DNALI1: variants seen among roughly 807,000 people sequenced by gnomAD.
DNALI1 encodes the protein dynein axonemal light intermediate chain 1, also known as axonemal dynein light intermediate polypeptide 1.
Under a neutral mutation model 33.9 loss-of-function variants are expected in DNALI1, and 31 were observed. The observed-to-expected ratio is 0.91, with a 90% CI of 0.69 to 1.23. The LOEUF is 1.23. Among genes scored for constraint, DNALI1 ranks in the 50% most tolerant of loss-of-function variants. The pLI is 0.00. For missense variants in DNALI1, 305 were observed against 323.8 expected (o/e 0.94, Z 0.44); for synonymous variants, 117 against 129.2 (o/e 0.91, Z 0.64).
In DNALI1 at chr1:37,561,241, AGT is replaced by A; in HGVS notation, c.398-315_398-314del. ...AGTCAGGTTTTTTCGAGTAGTAACC[AGT>A]TTTTACCTAAGGCAGGAAGGGAGGG... is the stretch of plus-strand genomic sequence containing the variant. On this transcript the variant is annotated intron_variant, in intron 3 of 5. Coordinates refer to ENST00000652629, the MANE Select transcript of DNALI1 (RefSeq NM_003462.5). The surrounding 1 kb of genome is among the most constrained non-coding windows in gnomAD (Gnocchi z 4.6). The A allele has an allele frequency of 3.4e-6, 1 of 294,190 alleles. No homozygotes were observed. Among genetic ancestry groups the A allele is most frequent in the Non-Finnish European group, 6.4e-6 (1 of 155,452 alleles). The allele number at this position is 294,190 out of a possible 1,614,324, so 18.2% of individuals were successfully genotyped here.
In DNALI1 at chr1:37,559,566, T is replaced by C. The variant is rs1427106338; in HGVS notation, c.397+70T>C. On this transcript the variant is annotated intron_variant, in intron 3 of 5. Transcript: ENST00000652629. The surrounding 1 kb of genome is among the most constrained non-coding windows in gnomAD (Gnocchi z 5.3). Reference sequence around the variant, plus strand: ...CCCTTCCCTTCACCTTCAGCACAGATCCAAGCCTGAGCACCTTGGAGCTGG... The same window carrying C: ...CCCTTCCCTTCACCTTCAGCACAGACCCAAGCCTGAGCACCTTGGAGCTGG... 3.5e-6 allele frequency: 5 copies of C among 1,435,370 alleles called. No homozygotes were observed. The highest frequency in any genetic ancestry group is 4.6e-6 in the Non-Finnish European group (5 of 1,084,684). 88.9% of individuals were successfully genotyped at this position (1,435,370 alleles called of 1,614,324 possible). A position where few individuals can be genotyped will look rare whatever the true frequency, so the allele number is the denominator to read the frequency against.
At position 37,556,965 on chromosome 1, in the gene DNALI1, A is replaced by G. The variant is rs1037396541; in HGVS notation, c.-30A>G. The G allele has an allele frequency of 6.2e-7, 1 of 1,614,256 alleles. No homozygotes were observed. The highest frequency in any genetic ancestry group is 8.5e-7 in the Non-Finnish European group (1 of 1,180,044). ...AAACAAGGCCCACACTGGACAGGGC[A>G]GCTGCTGGGTTGCTACTCTCGCCTC... On this transcript the variant is annotated 5_prime_UTR_variant, in exon 1 of 6. Transcript: ENST00000652629.
At chr1:37,558,794 T>C (rs1424800886) in intron 2 of DNALI1, among the ~76,000 whole-genome samples, 1 of 152,260 alleles carries the variant, frequency 6.6e-6, no homozygotes, top group Non-Finnish European at 1.5e-5. Context: ...TGCAGCCACA[T>C]TGATAAAAGG....
Position 37,565,062 on chromosome 1 carries a change from T to C in DNALI1, c.*1T>C. 6.2e-7 allele frequency: 1 copy of C among 1,614,200 alleles called. No homozygotes were observed. Among genetic ancestry groups the C allele is most frequent in the Non-Finnish European group, 8.5e-7 (1 of 1,180,030 alleles). On this transcript the variant is annotated 3_prime_UTR_variant, in exon 6 of 6. Transcript: ENST00000652629. ...AGGCATTATTGCACCAAAGAAGTGA[T>C]AATTTCCACATGATTAATTTCCAAC...
In DNALI1 at chr1:37,561,813, A is replaced by G; in HGVS notation, c.576+78A>G. On this transcript the variant is annotated intron_variant, in intron 4 of 5. Coordinates refer to ENST00000652629, the MANE Select transcript of DNALI1 (RefSeq NM_003462.5). The surrounding 1 kb of genome is among the most constrained non-coding windows in gnomAD (Gnocchi z 4.6). ...GCCACATGCTTATCATTCCAGCACT[A>G]CATTCTGACCTCCTAAGGTGCTCTG... 6.5e-7 allele frequency: 1 copy of G among 1,527,712 alleles called. No individual in the cohort carries two copies. Among genetic ancestry groups the G allele is most frequent in the Non-Finnish European group, 8.9e-7 (1 of 1,128,360 alleles). 94.6% of individuals were successfully genotyped at this position (1,527,712 alleles called of 1,614,324 possible). A position where few individuals can be genotyped will look rare whatever the true frequency, so the allele number is the denominator to read the frequency against.
Position 37,566,733 on chromosome 1 carries a change from G to A in DNALI1, c.*1672G>A, listed in dbSNP as rs550279607. 3.5e-6 allele frequency: 3 copies of A among 862,976 alleles called. No homozygotes were observed. The highest frequency in any genetic ancestry group is 5.5e-6 in the Non-Finnish European group (3 of 544,912). The allele number at this position is 862,976 out of a possible 1,614,324, so 53.5% of individuals were successfully genotyped here. On this transcript the variant is annotated 3_prime_UTR_variant, in exon 6 of 6. Transcript: ENST00000652629. Reference sequence around the variant, plus strand: ...GCTTTATTTCCCTAGCACTGGTGAAGGGCTTCAACTGTCAAACCTCAGAAC... The same window carrying A: ...GCTTTATTTCCCTAGCACTGGTGAAAGGCTTCAACTGTCAAACCTCAGAAC...
At position 37,565,133 on chromosome 1, in the gene DNALI1, AATC is replaced by A. The variant is rs1337249790; in HGVS notation, c.*78_*80del. 1 of 1,554,656 alleles carries A rather than the reference AATC, an allele frequency of 6.4e-7. No individual in the cohort carries two copies. The highest frequency in any genetic ancestry group is 1.4e-5 in the African/African-American group (1 of 73,982). ...ACTGTGTTCCTCTGGCAGCCAATAA[AATC>A]ATCATAAGCCCTTTGTAATAAAAAG... On this transcript the variant is annotated 3_prime_UTR_variant, in exon 6 of 6. Coordinates refer to ENST00000652629, the MANE Select transcript of DNALI1 (RefSeq NM_003462.5).
chr1:37,560,236 A>G (rs1473841753), intron 3 of DNALI1, among the ~76,000 whole-genome samples: 1 of 152,162 alleles, frequency 6.6e-6, no homozygotes, highest in Non-Finnish European at 1.5e-5. Flanking sequence ...CCTCCTCAGC[A>G]CAGACCCTTC....
At position 37,565,894 on chromosome 1, in the gene DNALI1, AT is replaced by A. The variant is rs1020299493; in HGVS notation, c.*837del. ...TGGAGTACGGCTGCTAGACAACTGC[AT>A]TTTAGTATTTCTCTTCCATTCTCCT... On this transcript the variant is annotated 3_prime_UTR_variant, in exon 6 of 6. Transcript: ENST00000652629. 6.6e-6 allele frequency: 1 copy of A among 152,222 alleles called. No individual in the cohort carries two copies. The allele number at this position is 152,222 out of a possible 1,614,324, so 9.4% of individuals were successfully genotyped here. A position where few individuals can be genotyped will look rare whatever the true frequency, so the allele number is the denominator to read the frequency against.
rs1410638100 is a variant in DNALI1 at position 37,566,404 on chromosome 1, C to A, written c.*1343C>A. On this transcript the variant is annotated 3_prime_UTR_variant, in exon 6 of 6. Transcript: ENST00000652629. ...CATAAGTGGGTCTACTTCACAGACT[C>A]AATGAGGCAGAAATTATTGTAGTTT... 6.4e-6 allele frequency: 1 copy of A among 155,424 alleles called. No homozygotes were observed. The highest frequency in any genetic ancestry group is 2.4e-5 in the African/African-American group (1 of 41,482). The allele number at this position is 155,424 out of a possible 1,614,324, so 9.6% of individuals were successfully genotyped here. A position where few individuals can be genotyped will look rare whatever the true frequency, so the allele number is the denominator to read the frequency against.
At chr1:37,564,544 A>G (rs1236419727) in intron 5 of DNALI1, among the ~76,000 whole-genome samples, 2 of 151,910 alleles carry the variant, frequency 1.3e-5, no homozygotes, top group African/African-American at 4.8e-5. Flanking sequence ...CACCACGCCC[A>G]ACTAATTTTT....
chr1:37,558,354 T>G (rs150443520), intron 2 of DNALI1, among the ~76,000 whole-genome samples: 7 of 152,310 alleles, frequency 4.6e-5, no homozygotes, highest in African/African-American at 1.7e-4. Flanking sequence ...AGTGGCCTCC[T>G]ATCTGAAAAC....
At position 37,561,056 on chromosome 1, in the gene DNALI1, C is replaced by T. The variant is rs1292660856; in HGVS notation, c.398-501C>T. On this transcript the variant is annotated intron_variant, in intron 3 of 5. Transcript: ENST00000652629. The surrounding 1 kb of genome is among the most constrained non-coding windows in gnomAD (Gnocchi z 4.6). The stretch of plus-strand genomic sequence containing the variant: ...GCAGCTGCAGGGTCTAGCAGGCTTC[C>T]CTATCCGTGTGTTATTATGGTTTGC... 2 of 155,696 alleles carry T rather than the reference C, an allele frequency of 1.3e-5. No homozygotes were observed. Among genetic ancestry groups the T allele is most frequent in the Non-Finnish European group, 2.9e-5 (2 of 69,904 alleles). 9.6% of individuals were successfully genotyped at this position (155,696 alleles called of 1,614,324 possible).
In DNALI1 at chr1:37,559,198, A is replaced by G. The variant is rs1305904377; in HGVS notation, c.228-129A>G. 1 of 936,574 alleles carries G rather than the reference A, an allele frequency of 1.1e-6. No individual in the cohort carries two copies. Among genetic ancestry groups the G allele is most frequent in the Non-Finnish European group, 1.6e-6 (1 of 639,368 alleles). 58.0% of individuals were successfully genotyped at this position (936,574 alleles called of 1,614,324 possible). The stretch of plus-strand genomic sequence containing the variant: ...AGCCTCACACCCCAAGGGATGGAGG[A>G]TTCTGGTGGGTTGGTGGCAAAGCTG... On this transcript the variant is annotated intron_variant, in intron 2 of 5. Coordinates refer to ENST00000652629, the MANE Select transcript of DNALI1 (RefSeq NM_003462.5). The surrounding 1 kb of genome is among the most constrained non-coding windows in gnomAD (Gnocchi z 5.3).
rs976510896 is a variant in DNALI1 at position 37,566,002 on chromosome 1, G to A, written c.*941G>A. On this transcript the variant is annotated 3_prime_UTR_variant, in exon 6 of 6. Coordinates refer to ENST00000652629, the MANE Select transcript of DNALI1 (RefSeq NM_003462.5). ...CCAGGGTGGGCTAGGGTGGTAAGCTGGAGGACTTCATCCTTCAGTTAGGCT... is the reference window on the plus strand; with the variant it reads ...CCAGGGTGGGCTAGGGTGGTAAGCTAGAGGACTTCATCCTTCAGTTAGGCT... 2.0e-5 allele frequency: 3 copies of A among 152,184 alleles called. No homozygotes were observed. The highest frequency in any genetic ancestry group is 7.2e-5 in the African/African-American group (3 of 41,442). 9.4% of individuals were successfully genotyped at this position (152,184 alleles called of 1,614,324 possible).
rs1220567998 is a variant in DNALI1, at chr1:37,561,829, A to T, written c.576+94A>T. Reference sequence around the variant, plus strand: ...TCCAGCACTACATTCTGACCTCCTAAGGTGCTCTGCTGACAGTCACGACAC... The same window carrying T: ...TCCAGCACTACATTCTGACCTCCTATGGTGCTCTGCTGACAGTCACGACAC... On this transcript the variant is annotated intron_variant, in intron 4 of 5. Coordinates refer to ENST00000652629, the MANE Select transcript of DNALI1 (RefSeq NM_003462.5). This position sits in a 1 kb window ranked among gnomAD's most constrained non-coding sequence, Gnocchi z 4.6. The T allele has an allele frequency of 1.1e-5, 17 of 1,493,238 alleles. No homozygotes were observed. In the South Asian group the frequency reaches 2.1e-4, roughly 18 times the overall value. The allele number at this position is 1,493,238 out of a possible 1,614,324, so 92.5% of individuals were successfully genotyped here.
chr1:37,564,158 G>A (rs1359214361), intron 5 of DNALI1, among the ~76,000 whole-genome samples: 2 of 151,388 alleles, frequency 1.3e-5, no homozygotes, highest in Admixed American at 6.6e-5. Context: ...ACTTGAACCC[G>A]GGAGGTAGAG....
chr1:37,557,814 G>A (rs747170907), intron 2 of DNALI1, 66 bp downstream of exon 2: 160 of 1,594,974 alleles, frequency 1.0e-4, no homozygotes, highest in Middle Eastern at 1.7e-4. Flanking sequence ...TTGGGAGTGT[G>A]GGGGGAGGCA....
intron 2 of DNALI1, 154 bp downstream of exon 2, chr1:37,557,902 A>G: frequency 9.2e-7 from 1 of 1,086,208 alleles, no homozygotes; most frequent in Non-Finnish European, 1.3e-6. Context: ...GGATCCTGGC[A>G]GGGTGGTGGG....
Sources: allele counts gnomAD v4.1 joint callset (sites outside exome capture counted in the v4.1 genomes callset), GRCh38; gene constraint gnomAD v4.1.1; non-coding constraint Gnocchi (gnomAD v3.1); transcripts MANE v1.5; gene names NCBI Gene and HGNC (gene_info 2026-07-23, HGNC 2026-07-21).